The following NKAIN3 variants were observed in gnomAD, a reference collection of about 807,000 sequenced individuals.
NKAIN3 encodes sodium/potassium transporting ATPase interacting 3.
NKAIN3 carries 25 observed loss-of-function variants against 30.2 expected under a neutral mutation model. The ratio of observed to expected loss-of-function variants is 0.83; its 90% CI spans 0.60 to 1.16. The LOEUF (loss-of-function observed/expected upper bound fraction) is 1.16, where lower values mean the gene tolerates loss of function less well. Among genes scored for constraint, NKAIN3 ranks in the 50% most tolerant of loss-of-function variants. The pLI, the probability that NKAIN3 is intolerant of heterozygous loss-of-function variation, is 0.00. For synonymous variants in NKAIN3, 91 were observed against 89.6 expected (o/e 1.02, Z -0.09); for missense variants, 225 against 254.1 (o/e 0.89, Z 0.78).
chr8:62,382,624 A>G (rs1247625475), intron 1 of NKAIN3, among the ~76,000 whole-genome samples: 1 of 152,160 alleles, frequency 6.6e-6, no homozygotes, highest in Non-Finnish European at 1.5e-5. Context: ...ATATTTAATT[A>G]TTGGAACCCT....
chr8:62,348,154 T>C (rs1816067266), intron 1 of NKAIN3, among the ~76,000 whole-genome samples: 1 of 152,148 alleles, frequency 6.6e-6, no homozygotes, highest in Admixed American at 6.6e-5. Flanking sequence ...CTATCAATTA[T>C]TATGTGTATT....
At chr8:62,723,183 T>A (rs1389515479) in intron 3 of NKAIN3, among the ~76,000 whole-genome samples, 2 of 152,196 alleles carry the variant, frequency 1.3e-5, no homozygotes, top group African/African-American at 4.8e-5. Flanking sequence ...AATAATTATA[T>A]GTTTTTTAAA....
At chr8:62,320,221 T>G (rs1327805902) in intron 1 of NKAIN3, among the ~76,000 whole-genome samples, 1 of 152,158 alleles carries the variant, frequency 6.6e-6, no homozygotes, top group African/African-American at 2.4e-5. Context: ...TGAGCCTACG[T>G]GTGTCTCTGC....
At chr8:62,464,950 A>G (rs1166818594) in intron 1 of NKAIN3, among the ~76,000 whole-genome samples, 1 of 152,178 alleles carries the variant, frequency 6.6e-6, no homozygotes, top group Admixed American at 6.6e-5. Flanking sequence ...TGGCATTTCA[A>G]TGTACTGAGC....
chr8:62,783,413 C>A (rs1391866966), intron 4 of NKAIN3, among the ~76,000 whole-genome samples: 1 of 151,972 alleles, frequency 6.6e-6, no homozygotes, highest in Non-Finnish European at 1.5e-5. Flanking sequence ...TTCCAGACTC[C>A]AGAGCTGTGA....
At chr8:62,270,027 CTTATTA>C (rs367580266) in intron 1 of NKAIN3, among the ~76,000 whole-genome samples, 1 of 151,554 alleles carries the variant, frequency 6.6e-6, no homozygotes, top group Non-Finnish European at 1.5e-5. Flanking sequence ...TGCGGAGGTC[CTTATTA>C]TTATTATTAT....
intron 3 of NKAIN3, among the ~76,000 whole-genome samples, chr8:62,645,450 T>C (rs560272803): frequency 6.6e-6 from 1 of 152,284 alleles, no homozygotes; most frequent in Non-Finnish European, 1.5e-5. Flanking sequence ...GTAGGGAGAA[T>C]ACTCAGTTTT....
intron 1 of NKAIN3, among the ~76,000 whole-genome samples, chr8:62,517,248 TG>T (rs1318871254): frequency 4.6e-5 from 7 of 152,268 alleles, no homozygotes; most frequent in African/African-American, 1.4e-4. Context: ...AAAATAAACT[TG>T]CCCTTAAAAT....
intron 4 of NKAIN3, among the ~76,000 whole-genome samples, chr8:62,800,594 C>T (rs543350982): frequency 1.3e-4 from 20 of 152,188 alleles, no homozygotes; most frequent in African/African-American, 2.2e-4. Context: ...CGGAGAATTT[C>T]GGTAAAGCCA....
intron 3 of NKAIN3, among the ~76,000 whole-genome samples, chr8:62,654,164 T>G (rs891389106): frequency 1.6e-5 from 2 of 123,156 alleles, no homozygotes; most frequent in African/African-American, 6.9e-5. Flanking sequence ...ATGCTTAAAA[T>G]AATGCAAAAA....
chr8:62,279,109 TGC>T lies in NKAIN3; in HGVS notation c.54+29983_54+29984del, dbSNP rs146869293. ...ATTGTGTCTCATAGTGGTTTTGATT[TGC>T]ATTTCTCTTATGACCAGTGATGATG... On this transcript the variant is annotated intron_variant, in intron 1 of 6. Transcript: ENST00000623646. Among the ~76,000 whole-genome samples the T allele has an allele frequency of 9.6e-3, 1,463 of 152,348 alleles. 15 individuals carry two copies. The highest frequency in any genetic ancestry group is 0.016 in the Non-Finnish European group (1,121 of 68,028).
intron 5 of NKAIN3, among the ~76,000 whole-genome samples, chr8:62,928,431 C>T (rs1435024797): frequency 6.6e-6 from 1 of 152,158 alleles, no homozygotes; most frequent in Non-Finnish European, 1.5e-5. Flanking sequence ...GTTCAATCAA[C>T]TACAAAACTC....
chr8:62,799,824 T>C (rs987920353), intron 4 of NKAIN3, among the ~76,000 whole-genome samples: 2 of 152,054 alleles, frequency 1.3e-5, no homozygotes, highest in South Asian at 4.1e-4. Context: ...AACGAGTGGA[T>C]AGAGAGAAAA....
chr8:62,550,198 G>T (rs1809155196), intron 1 of NKAIN3, among the ~76,000 whole-genome samples: 1 of 152,038 alleles, frequency 6.6e-6, no homozygotes, highest in Admixed American at 6.6e-5. Context: ...TTTAAAAGGT[G>T]TTTACCTTTT....
At chr8:62,748,458 C>T (rs1024038203) in intron 4 of NKAIN3, among the ~76,000 whole-genome samples, 5 of 152,144 alleles carry the variant, frequency 3.3e-5, no homozygotes, top group South Asian at 4.1e-4. Context: ...GCTATTGCTT[C>T]GTTGGCTACA....
At chr8:62,578,851 T>A (rs1810203649) in intron 1 of NKAIN3, among the ~76,000 whole-genome samples, 2 of 151,802 alleles carry the variant, frequency 1.3e-5, no homozygotes. Flanking sequence ...ACAATTGAAC[T>A]CATGGAGATA....
intron 4 of NKAIN3, among the ~76,000 whole-genome samples, chr8:62,830,070 G>A (rs1338724722): frequency 2.0e-5 from 3 of 152,104 alleles, no homozygotes; most frequent in Non-Finnish European, 4.4e-5. Flanking sequence ...TCCTATTGTA[G>A]ATATACATAT....
At chr8:62,664,676 C>T (rs1247257091) in intron 3 of NKAIN3, among the ~76,000 whole-genome samples, 1 of 152,084 alleles carries the variant, frequency 6.6e-6, no homozygotes, top group East Asian at 1.9e-4. Flanking sequence ...GTCATATTTT[C>T]TCAACCAGAG....
At chr8:62,918,290 G>A (rs1005541800) in intron 4 of NKAIN3, among the ~76,000 whole-genome samples, 163 bp from the exon 5 acceptor site, 1 of 152,154 alleles carries the variant, frequency 6.6e-6, no homozygotes, top group Non-Finnish European at 1.5e-5. Flanking sequence ...GCATAGAAAT[G>A]AAAAGGCTCT....
Sources: gnomAD v4.1 joint callset for allele counts (sites outside exome capture counted in the v4.1 genomes callset) on GRCh38, gnomAD v4.1.1 for gene constraint, MANE v1.5 for transcripts, NCBI Gene and HGNC (gene_info 2026-07-23, HGNC 2026-07-21) for gene names.